The following ANK1 variants were observed in gnomAD, a reference collection of about 807,000 sequenced individuals.
The protein encoded by ANK1 is ankyrin 1.
ANK1 carries 51 observed loss-of-function variants against 210.4 expected under a neutral mutation model. The ratio of observed to expected loss-of-function variants is 0.24; its 90% CI spans 0.19 to 0.31. The LOEUF is 0.31. ANK1 is among the 10% of genes least tolerant of loss of function. The pLI is 1.00. For missense variants in ANK1, 2,051 were observed against 2,504.4 expected (o/e 0.82, Z 3.86); for synonymous variants, 967 against 1,025.9 (o/e 0.94, Z 1.10).
intron 17 of ANK1, among the ~76,000 whole-genome samples, chr8:41,706,714 C>T (rs2150617435): frequency 6.6e-6 from 1 of 152,304 alleles, no homozygotes; most frequent in East Asian, 1.9e-4. Flanking sequence ...GTTTCCTAAT[C>T]TAGACAATAG....
In ANK1 at chr8:41,723,681, A is replaced by G. The variant is rs372849638; in HGVS notation, c.712-48T>C. The stretch of plus-strand genomic sequence containing the variant: ...TCAGGGCGCGTCATCCTTCCCTGGA[A>G]TGCAGCTGCTGTGCACCCGCTCCCC... On this transcript the variant is annotated intron_variant, in intron 7 of 42. Coordinates refer to ENST00000289734, the MANE Select transcript of ANK1 (RefSeq NM_000037.4). 1.0e-5 allele frequency: 16 copies of G among 1,568,354 alleles called. No homozygotes were observed. The African/African-American group carries it at 1.8e-4, about 17-fold the overall frequency.
At chr8:41,725,978 C>T in intron 5 of ANK1, 32 bp from the exon 6 acceptor site, 1 of 1,606,938 alleles carries the variant, frequency 6.2e-7, no homozygotes, top group Non-Finnish European at 8.5e-7. Context: ...TTTGCTCTGA[C>T]TCGTCTGACG....
Position 41,696,752 on chromosome 8 carries a change from CCTCATCATACT to C in ANK1, c.2648_2658del (p.Glu883GlyfsTer34). 6.2e-7 allele frequency: 1 copy of C among 1,601,060 alleles called. No homozygotes were observed. The highest frequency in any genetic ancestry group is 8.5e-7 in the Non-Finnish European group (1 of 1,179,906). On this transcript the variant is annotated frameshift_variant, in exon 25 of 43. Transcript: ENST00000289734. LOFTEE classifies it high-confidence loss of function. ...GCCGGGCTGCTGGGGATGAGGGAGT[CCTCATCATACT>C]CTTTAGATGCCTGAGGAGAGAGAAA...
chr8:41,766,495 T>C (rs1210928589), intron 1 of ANK1, among the ~76,000 whole-genome samples: 1 of 152,206 alleles, frequency 6.6e-6, no homozygotes, highest in East Asian at 1.9e-4. Flanking sequence ...GTTAAAGGTG[T>C]CACTGAGGAA....
intron 1 of ANK1, among the ~76,000 whole-genome samples, chr8:41,791,448 T>C (rs1407531715): frequency 1.5e-5 from 2 of 132,262 alleles, no homozygotes; most frequent in Admixed American, 7.4e-5. Context: ...TCTTTCTTTC[T>C]TTTTTTTTTT....
At chr8:41,870,461 T>A (rs1815258856) in intron 1 of ANK1, among the ~76,000 whole-genome samples, 2 of 152,152 alleles carry the variant, frequency 1.3e-5, no homozygotes, top group South Asian at 4.1e-4. Context: ...CGTCCCTCCA[T>A]CCTAAAGCAC....
At chr8:41,723,372 G>T in intron 8 of ANK1, 149 bp from the exon 9 acceptor site, 1 of 1,150,188 alleles carries the variant, frequency 8.7e-7, no homozygotes, top group Non-Finnish European at 1.3e-6. Flanking sequence ...TTTTACTATT[G>T]CCTCCCACTG....
At chr8:41,695,146 G>T in intron 27 of ANK1, 31 bp downstream of exon 27, 1 of 1,613,740 alleles carries the variant, frequency 6.2e-7, no homozygotes, top group South Asian at 1.1e-5. Context: ...CCGCAAGGAG[G>T]GGACCCAGCC....
At chr8:41,739,797 C>T (rs1323448293) in intron 2 of ANK1, among the ~76,000 whole-genome samples, 1 of 152,028 alleles carries the variant, frequency 6.6e-6, no homozygotes, top group Non-Finnish European at 1.5e-5. Context: ...AGCTGGGGTG[C>T]CAGGGGCTTT....
At chr8:41,723,858 C>G (rs1376962373) in intron 7 of ANK1, among the ~76,000 whole-genome samples, 1 of 149,548 alleles carries the variant, frequency 6.7e-6, no homozygotes, top group Non-Finnish European at 1.5e-5. Flanking sequence ...GGCGCGATCT[C>G]GACTCACTGC....
At chr8:41,662,064 C>T in intron 40 of ANK1, 123 bp from the exon 41 acceptor site, 1 of 1,283,374 alleles carries the variant, frequency 7.8e-7, no homozygotes, top group Non-Finnish European at 1.1e-6. Context: ...TGAGACCAGC[C>T]TGGCCAACAT....
Position 41,810,594 on chromosome 8 carries a change from G to C in ANK1, c.127-52457C>G, listed in dbSNP as rs56828537. On this transcript the variant is annotated intron_variant, in intron 1 of 42. Transcript: ENST00000265709. The stretch of plus-strand genomic sequence containing the variant: ...GCTGCAGGTCCATCGGGCCACACAG[G>C]AGCAGAGCATCTCTGAGTCATCCAG... Among the ~76,000 whole-genome samples the C allele has an allele frequency of 4.6e-5, 7 of 152,336 alleles. No individual in the cohort carries two copies. The East Asian group carries it at 1.4e-3, about 29-fold the overall frequency.
chr8:41,896,482 G>A, exon 1 of ANK1: 1 of 1,594,178 alleles, frequency 6.3e-7, no homozygotes, highest in South Asian at 1.1e-5. Context: ...TTGAGCCATG[G>A]CGGGTCACGG....
At chr8:41,741,064 G>C (rs1834668236) in intron 2 of ANK1, among the ~76,000 whole-genome samples, 2 of 152,192 alleles carry the variant, frequency 1.3e-5, no homozygotes. Flanking sequence ...TTTACAGATG[G>C]GTGGGGCTTC....
At chr8:41,810,013 T>C (rs1328611037) in intron 1 of ANK1, among the ~76,000 whole-genome samples, 2 of 152,226 alleles carry the variant, frequency 1.3e-5, no homozygotes, top group Admixed American at 6.5e-5. Flanking sequence ...GCGTGTTATA[T>C]GCAGGCAGTG....
intron 2 of ANK1, among the ~76,000 whole-genome samples, chr8:41,749,498 T>C (rs944265713): frequency 3.3e-4 from 50 of 152,082 alleles, no homozygotes; most frequent in Admixed American, 1.3e-4. Context: ...AGTTTCACCA[T>C]GTTGGTCAGG....
intron 13 of ANK1, among the ~76,000 whole-genome samples, 160 bp downstream of exon 13, chr8:41,716,793 C>T (rs984251303): frequency 6.6e-6 from 1 of 152,218 alleles, no homozygotes; most frequent in African/African-American, 2.4e-5. Context: ...CTCAAACCCC[C>T]TGCAAAGCAG....
chr8:41,777,485 A>T (rs944066802), intron 1 of ANK1, among the ~76,000 whole-genome samples: 7 of 152,092 alleles, frequency 4.6e-5, no homozygotes, highest in Non-Finnish European at 1.0e-4. Context: ...TGAGGCAAGA[A>T]AATCACTGGA....
intron 1 of ANK1, among the ~76,000 whole-genome samples, chr8:41,878,289 G>C (rs1395337216): frequency 6.6e-6 from 1 of 152,136 alleles, no homozygotes; most frequent in African/African-American, 2.4e-5. Flanking sequence ...CCCACCCTGG[G>C]CAGGGGACGA....
Sources: allele counts gnomAD v4.1 joint callset (sites outside exome capture counted in the v4.1 genomes callset), GRCh38; gene constraint gnomAD v4.1.1; transcripts MANE v1.5; gene names NCBI Gene and HGNC (gene_info 2026-07-23, HGNC 2026-07-21).